Variants in BEST3 observed in about 807,000 individuals in gnomAD.
The protein encoded by BEST3 is bestrophin-3.
In BEST3, 50 loss-of-function variants were observed where a neutral mutation model predicts 47.1. That is an observed-to-expected ratio of 1.06 (90% CI 0.85 to 1.34). The LOEUF is 1.34. Among genes scored for constraint, BEST3 ranks in the 40% most tolerant of loss-of-function variants. The pLI, the probability that BEST3 is intolerant of heterozygous loss-of-function variation, is 0.00. For synonymous variants in BEST3, 282 were observed against 298.8 expected (o/e 0.94, Z 0.58); for missense variants, 765 against 817.0 (o/e 0.94, Z 0.78).
intron 9 of BEST3, among the ~76,000 whole-genome samples, chr12:69,666,498 G>A (rs758603942): frequency 6.6e-5 from 10 of 152,096 alleles, no homozygotes; most frequent in South Asian, 2.1e-4. Context: ...GCTTTATTTG[G>A]AAACTTTGTA....
chr12:69,671,763 T>C (rs145091325), intron 8 of BEST3, among the ~76,000 whole-genome samples, 184 bp from the exon 9 acceptor site: 1 of 152,330 alleles, frequency 6.6e-6, no homozygotes, highest in African/African-American at 2.4e-5. Context: ...TGTTGTTTAC[T>C]ACTCGAGAGC....
At chr12:69,647,813 C>T (rs569512378) in intron 9 of BEST3, among the ~76,000 whole-genome samples, 2 of 152,046 alleles carry the variant, frequency 1.3e-5, no homozygotes, top group African/African-American at 4.8e-5. Flanking sequence ...TTAATAGACA[C>T]ACAAAGGATC....
At chr12:69,648,368 G>A (rs562463858) in intron 9 of BEST3, among the ~76,000 whole-genome samples, 3 of 152,270 alleles carry the variant, frequency 2.0e-5, no homozygotes, top group South Asian at 2.1e-4. Context: ...GAAAAACATA[G>A]TACTAAGTGA....
At chr12:69,664,506 C>T (rs756484325) in intron 9 of BEST3, among the ~76,000 whole-genome samples, 1 of 152,092 alleles carries the variant, frequency 6.6e-6, no homozygotes, top group Non-Finnish European at 1.5e-5. Flanking sequence ...TGTGTCTTTC[C>T]TCTCTTCCAG....
At position 69,678,526 on chromosome 12, in the gene BEST3, G is replaced by T. The variant is rs775491; in HGVS notation, c.636+213C>A. 1.1e-3 allele frequency among the ~76,000 whole-genome samples: 171 copies of T among 151,938 alleles called. 1 individual carries two copies. Among genetic ancestry groups the T allele is most frequent in the Non-Finnish European group, 1.2e-4 (8 of 67,952 alleles). On this transcript the variant is annotated intron_variant, in intron 5 of 9. Coordinates refer to ENST00000330891, the MANE Select transcript of BEST3 (RefSeq NM_032735.3). ...TACAAAGCATGATTCTGTTTAAAAC[G>T]CAGCTTCCAAGGAACCATTTCCAAG...
chr12:69,699,295 C>T lies in BEST3; in HGVS notation c.-106G>A. The T allele has an allele frequency of 3.0e-6, 3 of 985,422 alleles. No individual in the cohort carries two copies. In the African/African-American group the frequency reaches 5.2e-5, roughly 17 times the overall value. 61.0% of individuals were successfully genotyped at this position (985,422 alleles called of 1,614,324 possible). A position where few individuals can be genotyped will look rare whatever the true frequency, so the allele number is the denominator to read the frequency against. On this transcript the variant is annotated 5_prime_UTR_variant, in exon 1 of 10. Coordinates refer to ENST00000330891, the MANE Select transcript of BEST3 (RefSeq NM_032735.3). ...GGTGCCTTCAGGTCGGTGCTGCACG[C>T]CCGGTGTCACCCTTCGCTCGTGCAC...
intron 1 of BEST3, among the ~76,000 whole-genome samples, chr12:69,698,538 A>C (rs760165127): frequency 6.6e-6 from 1 of 152,230 alleles, no homozygotes; most frequent in Non-Finnish European, 1.5e-5. Context: ...ATTTCTGGCT[A>C]AGATAGAACA....
At chr12:69,670,880 A>T (rs759887722) in intron 9 of BEST3, among the ~76,000 whole-genome samples, 1 of 152,168 alleles carries the variant, frequency 6.6e-6, no homozygotes, top group African/African-American at 2.4e-5. Flanking sequence ...TTCAGCAAAT[A>T]TACTTAAACT....
chr12:69,666,502 C>T lies in BEST3; in HGVS notation c.1100+4926G>A, dbSNP rs544704815. On this transcript the variant is annotated intron_variant, in intron 9 of 9. Transcript: ENST00000330891. ...ATGCTTTTCAGGCTTTATTTGGAAACTTTGTACCTTTGGCCTCTTGGCAGG... is the reference window on the plus strand; with the variant it reads ...ATGCTTTTCAGGCTTTATTTGGAAATTTTGTACCTTTGGCCTCTTGGCAGG... Among the ~76,000 whole-genome samples, 4 of 152,300 alleles carry T rather than the reference C, an allele frequency of 2.6e-5. No homozygotes were observed. The South Asian group carries it at 8.3e-4, about 32-fold the overall frequency.
At chr12:69,666,619 CTTCGTA>C (rs1172626591) in intron 9 of BEST3, among the ~76,000 whole-genome samples, 23 of 152,148 alleles carry the variant, frequency 1.5e-4, no homozygotes. Context: ...GTATTCTACC[CTTCGTA>C]TTCTGCTCTG....
At chr12:69,677,159 T>G (rs1383769678) in intron 6 of BEST3, 21 bp downstream of exon 6, 1 of 1,613,474 alleles carries the variant, frequency 6.2e-7, no homozygotes, top group East Asian at 2.2e-5. Context: ...AATAAAGAAT[T>G]CCATGAAAAG....
chr12:69,694,151 G>A (rs1886042744), intron 3 of BEST3: 2 of 568,210 alleles, frequency 3.5e-6, no homozygotes, highest in South Asian at 2.5e-5. Context: ...TGAAGAGAAA[G>A]CTTAAATGTC....
intron 9 of BEST3, chr12:69,669,596 C>A (rs368258479): frequency 2.6e-5 from 4 of 152,288 alleles, no homozygotes; most frequent in African/African-American, 9.6e-5. Flanking sequence ...TCTTTCTCTG[C>A]TTCAGTTTGA....
Position 69,673,879 on chromosome 12 carries a change from C to T in BEST3, c.868-914G>A, listed in dbSNP as rs112774676. Among the ~76,000 whole-genome samples the T allele has an allele frequency of 4.4e-3, 673 of 152,156 alleles. 6 individuals are homozygous for T. The highest frequency in any genetic ancestry group is 0.016 in the African/African-American group (661 of 41,494). ...TTATCCAGTAAGTTAGTTTTCCTGC[C>T]GGGAAAATGTTAGGTAGCTATTGTC... On this transcript the variant is annotated intron_variant, in intron 7 of 9. Transcript: ENST00000330891.
chr12:69,689,219 C>G, intron 4 of BEST3: 1 of 985,464 alleles, frequency 1.0e-6, no homozygotes, highest in Non-Finnish European at 1.2e-6. Context: ...AGGCATATGC[C>G]CAGTTGGAAG....
At chr12:69,684,310 A>C (rs1885429251) in intron 4 of BEST3, 1 of 400,230 alleles carries the variant, frequency 2.5e-6, no homozygotes, top group Non-Finnish European at 4.4e-6. Flanking sequence ...CTCAATATAG[A>C]TACATGTTTG....
intron 9 of BEST3, chr12:69,660,832 G>A (rs1016926439): frequency 2.6e-5 from 4 of 152,142 alleles, no homozygotes; most frequent in Non-Finnish European, 5.9e-5. Flanking sequence ...ATTTCCACAG[G>A]TTAGGTAGAT....
At chr12:69,661,762 T>G (rs2135932090) in intron 9 of BEST3, among the ~76,000 whole-genome samples, 1 of 152,184 alleles carries the variant, frequency 6.6e-6, no homozygotes, top group East Asian at 1.9e-4. Context: ...AGTTCCAAGC[T>G]CCAGAGCATC....
chr12:69,693,081 G>C (rs1406748532), intron 4 of BEST3, among the ~76,000 whole-genome samples: 1 of 152,102 alleles, frequency 6.6e-6, no homozygotes, highest in African/African-American at 2.4e-5. Flanking sequence ...TTTACCTTAA[G>C]GCAACGTTAC....
Sources: allele counts gnomAD v4.1 joint callset (sites outside exome capture counted in the v4.1 genomes callset), GRCh38; gene constraint gnomAD v4.1.1; transcripts MANE v1.5; gene names NCBI Gene and HGNC (gene_info 2026-07-23, HGNC 2026-07-21).